The following AP3D1 variants were observed in gnomAD, a reference collection of about 807,000 sequenced individuals.
AP3D1 encodes the protein adaptor related protein complex 3 subunit delta 1.
AP3D1 carries 51 observed loss-of-function variants against 147.6 expected under a neutral mutation model. That is an observed-to-expected ratio of 0.35 (90% CI 0.28 to 0.44). The LOEUF is 0.44. AP3D1 is among the 20% of genes least tolerant of loss of function. The probability of loss-of-function intolerance (pLI) is 1.00; values close to 1 mark genes in which losing one functional copy is unlikely to be tolerated. For synonymous variants in AP3D1, 760 were observed against 663.0 expected (o/e 1.15, Z -2.25); for missense variants, 1,421 against 1,624.2 (o/e 0.87, Z 2.15).
intron 31 of AP3D1, among the ~76,000 whole-genome samples, chr19:2,107,004 C>T (rs1270572271): frequency 6.6e-6 from 1 of 152,146 alleles, no homozygotes; most frequent in African/African-American, 2.4e-5. Flanking sequence ...TGGCTCACAC[C>T]TGTAATCCCA....
chr19:2,153,602 G>C (rs1392441352), upstream of AP3D1, among the ~76,000 whole-genome samples: 3 of 151,766 alleles, frequency 2.0e-5, no homozygotes, highest in East Asian at 5.8e-4. Flanking sequence ...CTCCGCCCAG[G>C]GGGCGGAGGT....
intron 9 of AP3D1, among the ~76,000 whole-genome samples, chr19:2,126,028 G>C (rs562332409): frequency 1.3e-5 from 2 of 152,246 alleles, no homozygotes; most frequent in African/African-American, 4.8e-5. Context: ...TGCGCCTGTA[G>C]AAGCAAGAGG....
In AP3D1 at chr19:2,114,191, C is replaced by T. The variant is rs757470414; in HGVS notation, c.2535G>A (p.Lys845=). 6.2e-6 allele frequency: 10 copies of T among 1,607,826 alleles called. No homozygotes were observed. In the Admixed American group the frequency reaches 6.8e-5, roughly 11 times the overall value. Residue 845 remains lysine (K), a synonymous_variant, in exon 22 of 32, where the codon AAG becomes AAA. Transcript: ENST00000643116. ...PMVEKKSKKP[K]KKEKKHKEKE... ...TCTCTTTGTGTTTTTTCTCTTTCTT[C>T]TTGGGTTTCTTGCTCTTCTTTTCTA...
chr19:2,137,696 C>T (rs771067646), intron 3 of AP3D1, 31 bp downstream of exon 3: 2 of 1,495,990 alleles, frequency 1.3e-6, no homozygotes, highest in Non-Finnish European at 1.8e-6. Context: ...TCACTCCCCA[C>T]CCCACCAGCC....
intron 31 of AP3D1, 87 bp downstream of exon 31, chr19:2,108,600 C>A (rs2018175400): frequency 4.6e-6 from 6 of 1,311,226 alleles, no homozygotes; most frequent in Non-Finnish European, 6.4e-6. Flanking sequence ...CTCTAAGTCC[C>A]AAAGCGCGCC....
At chr19:2,113,627 G>A (rs2018350550) in intron 22 of AP3D1, among the ~76,000 whole-genome samples, 1 of 152,228 alleles carries the variant, frequency 6.6e-6, no homozygotes, top group South Asian at 2.1e-4. Flanking sequence ...GAGGGCCGGG[G>A]ACAAAGCTGT....
chr19:2,119,870 A>C (rs2018562354), intron 14 of AP3D1, among the ~76,000 whole-genome samples: 1 of 152,080 alleles, frequency 6.6e-6, no homozygotes, highest in Admixed American at 6.5e-5. Flanking sequence ...TGAACCCGAG[A>C]GGCAGAAGTT....
At chr19:2,155,779 G>A (rs2019640292), upstream of AP3D1, among the ~76,000 whole-genome samples, 1 of 152,074 alleles carries the variant, frequency 6.6e-6, no homozygotes, top group African/African-American at 2.4e-5. Flanking sequence ...TGGGCCGGGC[G>A]CGGTGGCTCA....
chr19:2,152,000 G>A (rs1240835082), upstream of AP3D1, among the ~76,000 whole-genome samples: 2 of 152,236 alleles, frequency 1.3e-5, no homozygotes, highest in Admixed American at 1.3e-4. Context: ...CTGGGTGGGT[G>A]GGGGAACGGA....
At chr19:2,149,198 G>A (rs1239428929) in intron 1 of AP3D1, among the ~76,000 whole-genome samples, 5 of 152,072 alleles carry the variant, frequency 3.3e-5, no homozygotes, top group Non-Finnish European at 7.4e-5. Flanking sequence ...ACCCGCCAAT[G>A]GCAGGGCCAA....
intron 24 of AP3D1, chr19:2,112,466 T>A (rs1380403141): frequency 5.2e-6 from 1 of 190,548 alleles, no homozygotes; most frequent in African/African-American, 2.4e-5. Flanking sequence ...GACACACTGA[T>A]CCACAGAGAC....
intron 17 of AP3D1, 42 bp downstream of exon 17, chr19:2,116,563 A>C: frequency 1.3e-6 from 2 of 1,529,480 alleles, no homozygotes; most frequent in South Asian, 1.3e-5. Flanking sequence ...CTGGGACAGG[A>C]GGGAGGAGAC....
chr19:2,101,387 C>A lies in AP3D1; in HGVS notation c.*786G>T, dbSNP rs537682602. 6.6e-6 allele frequency: 1 copy of A among 152,364 alleles called. No homozygotes were observed. Among genetic ancestry groups the A allele is most frequent in the East Asian group, 1.9e-4 (1 of 5,162 alleles). 9.4% of individuals were successfully genotyped at this position (152,364 alleles called of 1,614,324 possible). On this transcript the variant is annotated 3_prime_UTR_variant, in exon 32 of 32. Transcript: ENST00000643116. ...CCGCTGCTTCCAGGCCCTGCCTGGG[C>A]CTTCCTAAGGGTGCTGGGAAGGATG...
chr19:2,126,453 A>G (rs1400756286), intron 9 of AP3D1, among the ~76,000 whole-genome samples: 1 of 152,160 alleles, frequency 6.6e-6, no homozygotes, highest in African/African-American at 2.4e-5. Context: ...CAGGAGTTCG[A>G]GACCAGCCTG....
intron 22 of AP3D1, 128 bp downstream of exon 22, chr19:2,113,997 C>T (rs927912182): frequency 1.5e-5 from 22 of 1,440,214 alleles, no homozygotes; most frequent in East Asian, 2.5e-5. Flanking sequence ...GGGCACAGGG[C>T]GAGGCGGCTG....
Position 2,137,201 on chromosome 19 carries a change from C to G in AP3D1, c.274-110G>C, listed in dbSNP as rs970812871. 6.4e-6 allele frequency: 6 copies of G among 934,950 alleles called. No homozygotes were observed. In the Admixed American group the frequency reaches 1.0e-4, roughly 16 times the overall value. The allele number at this position is 934,950 out of a possible 1,614,324, so 57.9% of individuals were successfully genotyped here. ...GGCAGCGCCAGCCCAGAAGCAACAC[C>G]CTGCAGCCTGGACGCTGGGGCCACC... On this transcript the variant is annotated intron_variant, in intron 3 of 31. Transcript: ENST00000643116.
At chr19:2,104,733 C>G (rs2018064193) in intron 31 of AP3D1, among the ~76,000 whole-genome samples, 1 of 144,962 alleles carries the variant, frequency 6.9e-6, no homozygotes, top group Admixed American at 7.1e-5. Context: ...GTGGCACAAT[C>G]AGGGCTCACC....
chr19:2,118,119 C>T (rs2008066), intron 15 of AP3D1, among the ~76,000 whole-genome samples: 1 of 152,294 alleles, frequency 6.6e-6, no homozygotes, highest in South Asian at 2.1e-4. Context: ...GAGATCGCAC[C>T]ACTTGACTCC....
intron 11 of AP3D1, 65 bp from the exon 12 acceptor site, chr19:2,121,944 C>A: frequency 6.6e-7 from 1 of 1,513,596 alleles, no homozygotes; most frequent in South Asian, 1.3e-5. Context: ...AGGCAGGGCC[C>A]ACGGCTCTCC....
Sources: allele counts gnomAD v4.1 joint callset (sites outside exome capture counted in the v4.1 genomes callset), GRCh38; gene constraint gnomAD v4.1.1; transcripts MANE v1.5; gene names NCBI Gene and HGNC (gene_info 2026-07-23, HGNC 2026-07-21).